The following SPAG16 variants were observed in gnomAD, a reference collection of about 807,000 sequenced individuals.
SPAG16 encodes the protein sperm associated antigen 16.
SPAG16 carries 86 observed loss-of-function variants against 80.4 expected under a neutral mutation model. The ratio of observed to expected loss-of-function variants is 1.07; its 90% CI spans 0.90 to 1.28. SPAG16 has a LOEUF of 1.28. Ranked by LOEUF, SPAG16 falls within the 50% of genes most tolerant of loss-of-function variation. The pLI, the probability that SPAG16 is intolerant of heterozygous loss-of-function variation, is 0.00. For synonymous variants in SPAG16, 294 were observed against 265.9 expected, an observed-to-expected ratio of 1.11 and a Z score of -1.03; for missense variants, 870 against 765.3, an observed-to-expected ratio of 1.14 and a Z score of -1.61.
chr2:214,182,220 C>T (rs2057330932), intron 15 of SPAG16, among the ~76,000 whole-genome samples: 2 of 151,278 alleles, frequency 1.3e-5, no homozygotes, highest in African/African-American at 4.9e-5. Flanking sequence ...AGAAATATTC[C>T]ATACCAGATA....
At chr2:213,743,983 C>G (rs772536156) in intron 10 of SPAG16, among the ~76,000 whole-genome samples, 1 of 152,160 alleles carries the variant, frequency 6.6e-6, no homozygotes, top group Non-Finnish European at 1.5e-5. Flanking sequence ...TTGCCTCTTG[C>G]ATGCTTAGTT....
intron 10 of SPAG16, among the ~76,000 whole-genome samples, chr2:213,696,699 G>A (rs1432727325): frequency 6.6e-6 from 1 of 152,182 alleles, no homozygotes; most frequent in African/African-American, 2.4e-5. Flanking sequence ...TGAGAAACTA[G>A]TAATGTTAAA....
intron 15 of SPAG16, among the ~76,000 whole-genome samples, chr2:214,405,068 A>G (rs1256979331): frequency 1.3e-5 from 2 of 152,184 alleles, no homozygotes; most frequent in African/African-American, 4.8e-5. Context: ...TAGAGAATTC[A>G]GTGATATTCA....
Position 213,302,293 on chromosome 2 carries a change from G to A in SPAG16, c.279+4936G>A, listed in dbSNP as rs142248989. Among the ~76,000 whole-genome samples the A allele has an allele frequency of 3.2e-4, 48 of 152,216 alleles. 1 individual carries two copies. The East Asian group carries it at 7.3e-3, about 23-fold the overall frequency. ...CTCATAATTAAGTTAGTTAAAAGCC[G>A]TAATGAGAGTTGTATATAATGTATA... On this transcript the variant is annotated intron_variant, in intron 3 of 15. Coordinates refer to ENST00000331683, the MANE Select transcript of SPAG16 (RefSeq NM_024532.5).
chr2:214,354,050 C>T (rs1196030591), intron 15 of SPAG16, among the ~76,000 whole-genome samples: 1 of 152,052 alleles, frequency 6.6e-6, no homozygotes, highest in African/African-American at 2.4e-5. Context: ...TTATATTACA[C>T]ATTGCATGCC....
At chr2:213,963,807 T>C (rs1221145332) in intron 12 of SPAG16, among the ~76,000 whole-genome samples, 1 of 152,174 alleles carries the variant, frequency 6.6e-6, no homozygotes, top group African/African-American at 2.4e-5. Context: ...TTTTGGTTTA[T>C]AGGTTTATTT....
At chr2:213,723,744 A>G (rs1315506072) in intron 10 of SPAG16, among the ~76,000 whole-genome samples, 1 of 152,198 alleles carries the variant, frequency 6.6e-6, no homozygotes, top group Non-Finnish European at 1.5e-5. Context: ...CCAAATTGTT[A>G]TAGGGCTTAT....
intron 10 of SPAG16, among the ~76,000 whole-genome samples, chr2:213,747,854 C>A (rs1178894374): frequency 6.6e-6 from 1 of 152,126 alleles, no homozygotes; most frequent in African/African-American, 2.4e-5. Flanking sequence ...TTGTCTGTAA[C>A]GTTTGAATCA....
chr2:213,573,247 A>G (rs902311012), intron 10 of SPAG16, among the ~76,000 whole-genome samples: 7 of 152,178 alleles, frequency 4.6e-5, no homozygotes, highest in African/African-American at 1.4e-4. Context: ...CTATTCGGCC[A>G]TCTTGGCTCC....
chr2:213,329,618 T>C (rs1256830670), intron 5 of SPAG16, among the ~76,000 whole-genome samples: 1 of 152,166 alleles, frequency 6.6e-6, no homozygotes, highest in Non-Finnish European at 1.5e-5. Flanking sequence ...GCATAAAAGT[T>C]TGGAAAATTT....
chr2:213,591,956 A>T (rs1406792541), intron 10 of SPAG16, among the ~76,000 whole-genome samples: 6 of 152,240 alleles, frequency 3.9e-5, no homozygotes, highest in Admixed American at 3.9e-4. Flanking sequence ...ATGGAAGCTC[A>T]AAAGTCAAAG....
At chr2:214,018,271 C>CAA (rs536372921) in intron 13 of SPAG16, among the ~76,000 whole-genome samples, 7 of 150,910 alleles carry the variant, frequency 4.6e-5, no homozygotes, top group African/African-American at 1.7e-4. Flanking sequence ...CAAAACAAAA[C>CAA]AAAAAAACTT....
chr2:213,906,215 A>C (rs1230041125), intron 11 of SPAG16, among the ~76,000 whole-genome samples: 1 of 151,912 alleles, frequency 6.6e-6, no homozygotes, highest in Non-Finnish European at 1.5e-5. Flanking sequence ...CTATGCACCA[A>C]TAATGAACCA....
At chr2:214,347,196 G>A (rs1309236514) in intron 15 of SPAG16, among the ~76,000 whole-genome samples, 1 of 152,116 alleles carries the variant, frequency 6.6e-6, no homozygotes, top group Non-Finnish European at 1.5e-5. Context: ...TGTTGCCTGT[G>A]GTAACATAAA....
At chr2:214,106,428 T>C (rs2053387061) in intron 13 of SPAG16, among the ~76,000 whole-genome samples, 1 of 152,168 alleles carries the variant, frequency 6.6e-6, no homozygotes, top group African/African-American at 2.4e-5. Context: ...TGAGAGAGTA[T>C]CAAAGTGTTT....
At chr2:213,627,840 G>A (rs1455989484) in intron 10 of SPAG16, among the ~76,000 whole-genome samples, 1 of 152,170 alleles carries the variant, frequency 6.6e-6, no homozygotes. Flanking sequence ...TGAAGTCAAG[G>A]TCTTTGGTCC....
At chr2:213,461,566 A>C (rs2072365655) in intron 9 of SPAG16, among the ~76,000 whole-genome samples, 1 of 152,224 alleles carries the variant, frequency 6.6e-6, no homozygotes, top group African/African-American at 2.4e-5. Flanking sequence ...AGAAAGAAGT[A>C]AGTGAATAGA....
intron 10 of SPAG16, among the ~76,000 whole-genome samples, chr2:213,601,055 T>G (rs1002033636): frequency 1.3e-5 from 2 of 152,112 alleles, no homozygotes; most frequent in Admixed American, 6.6e-5. Context: ...AGTAAATGAT[T>G]GTAGGGAAAT....
At chr2:213,666,100 A>G (rs575228846) in intron 10 of SPAG16, among the ~76,000 whole-genome samples, 2 of 152,312 alleles carry the variant, frequency 1.3e-5, no homozygotes, top group Non-Finnish European at 2.9e-5. Flanking sequence ...CAATTCATAA[A>G]TGTAAAATCA....
Sources: gnomAD v4.1 joint callset for allele counts (sites outside exome capture counted in the v4.1 genomes callset) on GRCh38, gnomAD v4.1.1 for gene constraint, MANE v1.5 for transcripts, NCBI Gene and HGNC (gene_info 2026-07-23, HGNC 2026-07-21) for gene names.